Variants in DACH1 observed in about 807,000 individuals in gnomAD.
DACH1 encodes dachshund homolog 1.
In DACH1, 12 loss-of-function variants were observed where a neutral mutation model predicts 54.2. The ratio of observed to expected loss-of-function variants is 0.22; its 90% CI spans 0.14 to 0.36. DACH1 has a LOEUF of 0.36. Among genes scored for constraint, DACH1 ranks in the 10% least tolerant of loss-of-function variants. DACH1 has a pLI of 1.00. For synonymous variants in DACH1, 386 were observed against 366.2 expected (o/e 1.05, Z -0.62); for missense variants, 805 against 929.8 (o/e 0.87, Z 1.75).
At chr13:71,533,040 T>C (rs1203899962) in intron 6 of DACH1, among the ~76,000 whole-genome samples, 1 of 151,788 alleles carries the variant, frequency 6.6e-6, no homozygotes, top group Admixed American at 6.6e-5. Flanking sequence ...TACCTGCTTG[T>C]ACCGATAAAC....
At chr13:71,620,621 ATTTG>A (rs1171495075) in intron 3 of DACH1, among the ~76,000 whole-genome samples, 1 of 151,926 alleles carries the variant, frequency 6.6e-6, no homozygotes, top group Non-Finnish European at 1.5e-5. Flanking sequence ...ACACTTTTAC[ATTTG>A]TTTATTAATT....
intron 5 of DACH1, 85 bp downstream of exon 5, chr13:71,559,735 T>C (rs1884469041): frequency 6.5e-7 from 1 of 1,540,434 alleles, no homozygotes. Flanking sequence ...CTGAGATCTA[T>C]TTGGAATGAG....
intron 1 of DACH1, among the ~76,000 whole-genome samples, chr13:71,827,120 T>C (rs1163687553): frequency 1.3e-5 from 2 of 151,896 alleles, no homozygotes; most frequent in Admixed American, 6.6e-5. Context: ...AGAAATAGAG[T>C]AGAAGAGAAA....
At chr13:71,813,749 T>G (rs1418468434) in intron 1 of DACH1, among the ~76,000 whole-genome samples, 1 of 152,114 alleles carries the variant, frequency 6.6e-6, no homozygotes, top group African/African-American at 2.4e-5. Flanking sequence ...TATCAATATT[T>G]AAAGGGATTG....
intron 2 of DACH1, among the ~76,000 whole-genome samples, chr13:71,672,898 T>C (rs1363770875): frequency 6.6e-6 from 1 of 152,198 alleles, no homozygotes; most frequent in African/African-American, 2.4e-5. Flanking sequence ...AAGTTGACTC[T>C]GAAAATCTGA....
intron 3 of DACH1, among the ~76,000 whole-genome samples, chr13:71,593,079 T>C (rs61957828): frequency 0.026 from 3,989 of 151,900 alleles, 55 homozygotes; most frequent in Middle Eastern, 0.072. Context: ...AATTAGAGAG[T>C]TTTAAATAGA....
intron 1 of DACH1, among the ~76,000 whole-genome samples, chr13:71,732,273 C>A (rs934927046): frequency 6.6e-6 from 1 of 152,020 alleles, no homozygotes; most frequent in South Asian, 2.1e-4. Context: ...GTTTAATTAC[C>A]TCTCCTTTTT....
At chr13:71,835,286 A>C (rs12872248) in intron 1 of DACH1, among the ~76,000 whole-genome samples, 1 of 152,176 alleles carries the variant, frequency 6.6e-6, no homozygotes, top group South Asian at 2.1e-4. Context: ...GTATACAAAT[A>C]CAAGAAACAG....
intron 1 of DACH1, among the ~76,000 whole-genome samples, chr13:71,767,481 T>C (rs1317356860): frequency 6.6e-6 from 1 of 152,098 alleles, no homozygotes; most frequent in Non-Finnish European, 1.5e-5. Flanking sequence ...ACTGAAATAT[T>C]AATCCATTTC....
intron 1 of DACH1, among the ~76,000 whole-genome samples, chr13:71,779,138 C>CGT (rs1387689830): frequency 4.1e-5 from 5 of 122,014 alleles, no homozygotes; most frequent in Non-Finnish European, 6.8e-5. Flanking sequence ...TACATATATA[C>CGT]ACATATATAC....
At chr13:71,781,222 AG>A (rs1356908611) in intron 1 of DACH1, among the ~76,000 whole-genome samples, 1 of 152,138 alleles carries the variant, frequency 6.6e-6, no homozygotes, top group African/African-American at 2.4e-5. Flanking sequence ...AGAACCAGGC[AG>A]GGAACAAACA....
At chr13:71,562,462 T>C (rs1415709766) in intron 4 of DACH1, among the ~76,000 whole-genome samples, 1 of 152,036 alleles carries the variant, frequency 6.6e-6, no homozygotes, top group Non-Finnish European at 1.5e-5. Context: ...ATATTAAAAT[T>C]TGAAACTAAC....
chr13:71,786,793 G>T (rs967672262), intron 1 of DACH1, among the ~76,000 whole-genome samples: 3 of 151,564 alleles, frequency 2.0e-5, no homozygotes, highest in African/African-American at 7.3e-5. Context: ...ATTTCAGAGG[G>T]GAAAAAAAAG....
At position 71,643,851 on chromosome 13, in the gene DACH1, G is replaced by C. The variant is rs1448200448; in HGVS notation, c.965-13134C>G. On this transcript the variant is annotated intron_variant, in intron 2 of 10. Coordinates refer to ENST00000613252, the MANE Select transcript of DACH1 (RefSeq NM_080759.6). ...TCTCAACCTTCCTAGCTCAGGGAAA[G>C]AAGAAAAAAAAAAGACAAAGAGAGA... 2.0e-5 allele frequency among the ~76,000 whole-genome samples: 3 copies of C among 148,920 alleles called. No individual in the cohort carries two copies. The East Asian group carries it at 5.9e-4, about 29-fold the overall frequency.
intron 6 of DACH1, among the ~76,000 whole-genome samples, chr13:71,536,397 A>T (rs1183746586): frequency 6.6e-6 from 1 of 152,128 alleles, no homozygotes; most frequent in East Asian, 1.9e-4. Flanking sequence ...TTCTTGACAC[A>T]TCCTTGCTAT....
intron 3 of DACH1, among the ~76,000 whole-genome samples, chr13:71,628,333 T>C (rs1161764200): frequency 1.3e-5 from 2 of 152,004 alleles, no homozygotes; most frequent in Non-Finnish European, 2.9e-5. Flanking sequence ...GGTGAAGGTG[T>C]TCAGGAAGGA....
chr13:71,495,361 C>T (rs1879317302), intron 6 of DACH1, among the ~76,000 whole-genome samples: 3 of 151,814 alleles, frequency 2.0e-5, no homozygotes, highest in African/African-American at 4.8e-5. Context: ...TAAACAATTA[C>T]TTATAAAAAT....
intron 2 of DACH1, among the ~76,000 whole-genome samples, chr13:71,656,598 T>C (rs1183175970): frequency 6.6e-6 from 1 of 152,012 alleles, no homozygotes; most frequent in African/African-American, 2.4e-5. Context: ...TTTTTACTAC[T>C]TTATTTCTTC....
At chr13:71,609,156 T>C (rs1048454421) in intron 3 of DACH1, among the ~76,000 whole-genome samples, 3 of 152,040 alleles carry the variant, frequency 2.0e-5, no homozygotes, top group Non-Finnish European at 4.4e-5. Flanking sequence ...ATATGATAGA[T>C]TAATATGAAG....
Sources: allele counts gnomAD v4.1 joint callset (sites outside exome capture counted in the v4.1 genomes callset), GRCh38; gene constraint gnomAD v4.1.1; transcripts MANE v1.5; gene names NCBI Gene and HGNC (gene_info 2026-07-23, HGNC 2026-07-21).